Variants in GALK2 observed in about 807,000 individuals in gnomAD.
The protein encoded by GALK2 is galactokinase 2, also known as N-acetylgalactosamine kinase.
Under a neutral mutation model 52.4 loss-of-function variants are expected in GALK2, and 36 were observed. The ratio of observed to expected loss-of-function variants is 0.69; its 90% CI spans 0.53 to 0.91. The LOEUF is 0.91. Ranked by LOEUF, GALK2 falls within the 40% of genes least tolerant of loss-of-function variation. GALK2 has a pLI of 0.00. For missense variants in GALK2, 579 were observed against 559.1 expected, an observed-to-expected ratio of 1.04 and a Z score of -0.36; for synonymous variants, 176 against 199.1, an observed-to-expected ratio of 0.88 and a Z score of 0.98.
At chr15:49,346,129 G>GATAGATACC (rs2041465786) in intron 3 of GALK2, among the ~76,000 whole-genome samples, 2 of 151,016 alleles carry the variant, frequency 1.3e-5, no homozygotes, top group South Asian at 2.1e-4. Flanking sequence ...CTGGCTGCTT[G>GATAGATACC]ATAGATACCA....
At chr15:49,287,718 A>G (rs543979744) in intron 7 of GALK2, among the ~76,000 whole-genome samples, 1 of 152,328 alleles carries the variant, frequency 6.6e-6, no homozygotes, top group South Asian at 2.1e-4. Flanking sequence ...AGTTTTGAAA[A>G]TGAGACTGAG....
At position 49,331,636 on chromosome 15, in the gene GALK2, G is replaced by A. The variant is rs1012316533; in HGVS notation, c.*3477G>A. 5.0e-6 allele frequency: 3 copies of A among 602,716 alleles called. No homozygotes were observed. The highest frequency in any genetic ancestry group is 8.9e-6 in the Non-Finnish European group (3 of 337,096). 37.3% of individuals were successfully genotyped at this position (602,716 alleles called of 1,614,324 possible). On this transcript the variant is annotated 3_prime_UTR_variant, in exon 10 of 10. Coordinates refer to ENST00000560031, the MANE Select transcript of GALK2 (RefSeq NM_002044.4). ...AAAACAGATTTTCTTACATGTGCATGTAGATGATTAAGTAACAAGAATGTA... is the reference window on the plus strand; with the variant it reads ...AAAACAGATTTTCTTACATGTGCATATAGATGATTAAGTAACAAGAATGTA...
intron 1 of GALK2, among the ~76,000 whole-genome samples, chr15:49,170,924 T>A (rs1255029511): frequency 1.3e-5 from 2 of 152,128 alleles, no homozygotes; most frequent in Non-Finnish European, 2.9e-5. Context: ...CAGTTACAGG[T>A]ACTTTGTAGA....
At chr15:49,262,072 G>A (rs1247407230) in intron 5 of GALK2, among the ~76,000 whole-genome samples, 2 of 152,166 alleles carry the variant, frequency 1.3e-5, no homozygotes, top group Non-Finnish European at 2.9e-5. Flanking sequence ...TCAGGATGAT[G>A]CTGGCCTCAT....
intron 8 of GALK2, among the ~76,000 whole-genome samples, chr15:49,295,402 G>C (rs2034386933): frequency 6.6e-6 from 1 of 151,558 alleles, no homozygotes; most frequent in African/African-American, 2.4e-5. Context: ...GTGATAGCAA[G>C]ATATCTAAAT....
chr15:49,291,674 CG>C (rs2033950056), intron 7 of GALK2, among the ~76,000 whole-genome samples: 1 of 152,100 alleles, frequency 6.6e-6, no homozygotes, highest in Admixed American at 6.5e-5. Context: ...GTACTTAACC[CG>C]CACTGTCAGA....
At chr15:49,340,040 T>C (rs1178575627) in intron 3 of GALK2, among the ~76,000 whole-genome samples, 3 of 152,240 alleles carry the variant, frequency 2.0e-5, no homozygotes, top group East Asian at 1.9e-4. Flanking sequence ...CAGTGGATCT[T>C]AACTTGCTGG....
intron 5 of GALK2, among the ~76,000 whole-genome samples, chr15:49,265,249 T>C (rs867526223): frequency 6.6e-6 from 1 of 152,198 alleles, no homozygotes; most frequent in Non-Finnish European, 1.5e-5. Context: ...CTGGCTGCTT[T>C]ATTTACCTAA....
intron 5 of GALK2, among the ~76,000 whole-genome samples, chr15:49,265,101 C>CA (rs1227399859): frequency 1.3e-5 from 2 of 152,182 alleles, no homozygotes; most frequent in Non-Finnish European, 2.9e-5. Context: ...CTGCTCTCTT[C>CA]AAAGCTGTCA....
In GALK2 at chr15:49,250,814, G is replaced by A. The variant is rs184027802; in HGVS notation, c.504+11447G>A. Reference sequence around the variant, plus strand: ...AATGTGAATTGGATTTTTTAAATAAGTTGACAGATTTTATACTCTTTGTCA... The same window carrying A: ...AATGTGAATTGGATTTTTTAAATAAATTGACAGATTTTATACTCTTTGTCA... On this transcript the variant is annotated intron_variant, in intron 5 of 9. Coordinates refer to ENST00000560031, the MANE Select transcript of GALK2 (RefSeq NM_002044.4). Among the ~76,000 whole-genome samples the A allele has an allele frequency of 2.6e-5, 4 of 152,146 alleles. No individual in the cohort carries two copies. In the East Asian group the frequency reaches 5.8e-4, roughly 22 times the overall value.
downstream of GALK2, among the ~76,000 whole-genome samples, chr15:49,332,720 G>C (rs935422149): frequency 7.2e-5 from 11 of 152,206 alleles, no homozygotes; most frequent in Non-Finnish European, 1.0e-4. Flanking sequence ...TTGGCAGGAA[G>C]TAAAATTTTC....
intron 1 of GALK2, among the ~76,000 whole-genome samples, chr15:49,184,241 A>T (rs2086184347): frequency 6.6e-6 from 1 of 151,484 alleles, no homozygotes; most frequent in Non-Finnish European, 1.5e-5. Context: ...TTCTCTTCTT[A>T]TAGTTTTTTT....
chr15:49,258,829 T>TGTGTGAGAGAGA, intron 5 of GALK2, among the ~76,000 whole-genome samples: 1 of 124,128 alleles, frequency 8.1e-6, no homozygotes, highest in African/African-American at 3.2e-5. Context: ...TGTGTGTGTG[T>TGTGTGAGAGAGA]GAGAGAGAGA....
rs2090985636 is a variant in GALK2 at position 49,239,354 on chromosome 15, G to A, written c.491G>A (p.Arg164Lys). The change falls in exon 5 of 10, where the codon AGG (arginine) becomes AAG (lysine). Residue 164 changes from arginine (R) to lysine (K), a missense_variant. Coordinates refer to ENST00000560031, the MANE Select transcript of GALK2 (RefSeq NM_002044.4). ...AGLVTLTVLG[R>K]NLSKVELAEI... ...TTGGTGACGCTCACAGTGCTGGGAA[G>A]GAATCTATCCAAGGTAACTACCTTT... is the stretch of plus-strand genomic sequence containing the variant. 1.6e-5 allele frequency: 26 copies of A among 1,613,886 alleles called. No homozygotes were observed. The highest frequency in any genetic ancestry group is 2.2e-5 in the Non-Finnish European group (26 of 1,179,896).
At chr15:49,358,726 G>C (rs1422137755) in intron 3 of GALK2, among the ~76,000 whole-genome samples, 5 of 151,420 alleles carry the variant, frequency 3.3e-5, no homozygotes, top group Non-Finnish European at 5.9e-5. Context: ...TCACAGAATT[G>C]GAAAAAACTA....
rs1304522324 is a variant in GALK2 at position 49,299,779 on chromosome 15, CT to C, written c.967+7245del. On this transcript the variant is annotated intron_variant, in intron 8 of 9. Coordinates refer to ENST00000560031, the MANE Select transcript of GALK2 (RefSeq NM_002044.4). Reference sequence around the variant, plus strand: ...TCTTTCTTTCTTTCTTTCTTTCTTTCTTTCTTTCTTTCTTTCGTGCTGTAGT... The same window carrying C: ...TCTTTCTTTCTTTCTTTCTTTCTTTCTTCTTTCTTTCTTTCGTGCTGTAGT... Among the ~76,000 whole-genome samples, 212 of 127,642 alleles carry C rather than the reference CT, an allele frequency of 1.7e-3. 6 individuals carry two copies. The highest frequency in any genetic ancestry group is 3.0e-3 in the Non-Finnish European group (177 of 59,786). The allele number at this position is 127,642 out of a possible 152,430, so 83.7% of individuals were successfully genotyped here.
At chr15:49,366,376 A>G (rs2045191251) in intron 3 of GALK2, 1 of 791,176 alleles carries the variant, frequency 1.3e-6, no homozygotes, top group Admixed American at 1.7e-5. Flanking sequence ...TTTTCTGTGC[A>G]TTTCTGGTGT....
chr15:49,308,959 G>C (rs1394166198), intron 8 of GALK2, among the ~76,000 whole-genome samples: 1 of 152,206 alleles, frequency 6.6e-6, no homozygotes, highest in African/African-American at 2.4e-5. Flanking sequence ...GTTGGTGATG[G>C]AGAAGGTCTT....
At chr15:49,322,066 C>A (rs1291243465) in intron 9 of GALK2, among the ~76,000 whole-genome samples, 2 of 152,166 alleles carry the variant, frequency 1.3e-5, no homozygotes, top group Non-Finnish European at 2.9e-5. Flanking sequence ...GTCTACAGAC[C>A]TATACATTTA....
Sources: allele counts gnomAD v4.1 joint callset (sites outside exome capture counted in the v4.1 genomes callset), GRCh38; gene constraint gnomAD v4.1.1; transcripts MANE v1.5; gene names NCBI Gene and HGNC (gene_info 2026-07-23, HGNC 2026-07-21).